Variants in ASIC2 observed in about 807,000 individuals in gnomAD.
ASIC2 encodes acid-sensing ion channel 2.
In ASIC2, 25 loss-of-function variants were observed where a neutral mutation model predicts 57.3. The ratio of observed to expected loss-of-function variants is 0.44; its 90% CI spans 0.32 to 0.61. The LOEUF (loss-of-function observed/expected upper bound fraction) is 0.61, where lower values mean the gene tolerates loss of function less well. Among genes scored for constraint, ASIC2 ranks in the 20% least tolerant of loss-of-function variants. The pLI, the probability that ASIC2 is intolerant of heterozygous loss-of-function variation, is 0.06. For synonymous variants in ASIC2, 319 were observed against 307.5 expected (o/e 1.04, Z -0.39); for missense variants, 641 against 738.1 (o/e 0.87, Z 1.52).
At chr17:33,426,696 G>A (rs1311010963) in intron 1 of ASIC2, among the ~76,000 whole-genome samples, 1 of 152,338 alleles carries the variant, frequency 6.6e-6, no homozygotes, top group Middle Eastern at 3.4e-3. Context: ...GATTCAAGAA[G>A]TTCCTTGTGA....
Position 33,050,477 on chromosome 17 carries a change from C to G in ASIC2, c.988-22085G>C, listed in dbSNP as rs568984420. ...TAGGGTCTGCCATATAGTCTGTGCTCAAAAATATTAGGTTGCCTATCCCAC... is the reference window on the plus strand; with the variant it reads ...TAGGGTCTGCCATATAGTCTGTGCTGAAAAATATTAGGTTGCCTATCCCAC... On this transcript the variant is annotated intron_variant, in intron 3 of 9. Transcript: ENST00000225823. 6.6e-5 allele frequency among the ~76,000 whole-genome samples: 10 copies of G among 152,240 alleles called. No individual in the cohort carries two copies. In the East Asian group the frequency reaches 1.9e-3, roughly 29 times the overall value.
At chr17:33,421,160 T>C (rs1003807441) in intron 1 of ASIC2, among the ~76,000 whole-genome samples, 2 of 152,012 alleles carry the variant, frequency 1.3e-5, no homozygotes, top group Non-Finnish European at 2.9e-5. Context: ...CCAGGAAGGT[T>C]CTGTGAGCTG....
intron 1 of ASIC2, among the ~76,000 whole-genome samples, chr17:33,814,907 G>A (rs188910617): frequency 6.6e-6 from 1 of 152,314 alleles, no homozygotes; most frequent in African/African-American, 2.4e-5. Context: ...GGCTCCCAAT[G>A]TCTAGTATAT....
chr17:33,190,476 G>A (rs979101568), intron 1 of ASIC2, among the ~76,000 whole-genome samples: 12 of 152,032 alleles, frequency 7.9e-5, no homozygotes, highest in Non-Finnish European at 1.5e-4. Context: ...TTGATTTATA[G>A]ATTAAATGAA....
intron 1 of ASIC2, among the ~76,000 whole-genome samples, chr17:33,413,073 T>C (rs1212698943): frequency 6.6e-6 from 1 of 152,058 alleles, no homozygotes; most frequent in Non-Finnish European, 1.5e-5. Flanking sequence ...ATGAGCAGGG[T>C]TCTCCAGAGA....
intron 1 of ASIC2, among the ~76,000 whole-genome samples, chr17:33,742,378 C>A (rs1049740242): frequency 1.3e-5 from 2 of 152,250 alleles, no homozygotes; most frequent in Middle Eastern, 3.4e-3. Flanking sequence ...TTCTACTTAT[C>A]CTTAAGTTGA....
chr17:33,945,555 G>C (rs2141981593), intron 1 of ASIC2, among the ~76,000 whole-genome samples: 1 of 152,136 alleles, frequency 6.6e-6, no homozygotes, highest in East Asian at 1.9e-4. Context: ...CTTAGACATG[G>C]CAAGCAGATT....
intron 1 of ASIC2, among the ~76,000 whole-genome samples, chr17:34,085,649 C>T (rs1279252027): frequency 6.6e-6 from 1 of 152,080 alleles, no homozygotes; most frequent in South Asian, 2.1e-4. Flanking sequence ...TAGAATTTGG[C>T]TGTGAATCCA....
intron 1 of ASIC2, among the ~76,000 whole-genome samples, chr17:33,566,783 T>G (rs945449393): frequency 3.3e-5 from 5 of 152,142 alleles, no homozygotes; most frequent in Non-Finnish European, 7.4e-5. Flanking sequence ...AGACACCCAT[T>G]CCCTGGCATG....
At chr17:33,381,571 CG>C (rs55755787) in intron 1 of ASIC2, among the ~76,000 whole-genome samples, 15,182 of 152,146 alleles carry the variant, frequency 0.1, 879 homozygotes, top group Non-Finnish European at 0.13. Flanking sequence ...GTATGTGCCC[CG>C]GGGGGGCACT....
intron 1 of ASIC2, among the ~76,000 whole-genome samples, chr17:34,067,760 A>C (rs1306206953): frequency 6.6e-6 from 1 of 152,216 alleles, no homozygotes; most frequent in East Asian, 1.9e-4. Context: ...ACGTGGAAAG[A>C]CATCCATGAT....
At chr17:33,487,324 A>G (rs1002558440) in intron 1 of ASIC2, among the ~76,000 whole-genome samples, 2 of 152,210 alleles carry the variant, frequency 1.3e-5, no homozygotes, top group Non-Finnish European at 2.9e-5. Context: ...AGCCAGAGCC[A>G]GGAGGGGCCC....
chr17:33,505,670 T>G (rs1310050669), intron 1 of ASIC2, among the ~76,000 whole-genome samples: 1 of 152,230 alleles, frequency 6.6e-6, no homozygotes, highest in Non-Finnish European at 1.5e-5. Context: ...GCTTAATCTA[T>G]TCCAAGTGAG....
chr17:33,392,108 C>A (rs1000594088), intron 1 of ASIC2, among the ~76,000 whole-genome samples: 1 of 152,172 alleles, frequency 6.6e-6, no homozygotes, highest in African/African-American at 2.4e-5. Context: ...ACACCTCTAA[C>A]ACCTCTATGT....
Position 34,156,420 on chromosome 17 carries a change from A to G in ASIC2, c.113T>C (p.Leu38Pro). ...TGCCCACAGCACACGCCGGATGGTC[A>G]GCGGCCCATACACGAAGATGTGGCG... is the stretch of plus-strand genomic sequence containing the variant. The change falls in exon 1 of 10, where the codon CTG becomes CCG. Residue 38 changes from leucine (L) to proline (P), a missense_variant. Coordinates refer to the ASIC2 transcript ENST00000359872. This position sits in a 1 kb window ranked among gnomAD's most constrained non-coding sequence, Gnocchi z 4.4. 6.2e-7 allele frequency: 1 copy of G among 1,614,196 alleles called. No homozygotes were observed. The highest frequency in any genetic ancestry group is 2.2e-5 in the East Asian group (1 of 44,842).
At chr17:34,052,144 CACTG>C (rs1164035130) in intron 1 of ASIC2, among the ~76,000 whole-genome samples, 1 of 152,176 alleles carries the variant, frequency 6.6e-6, no homozygotes, top group Non-Finnish European at 1.5e-5. Context: ...TGTTCCAAAG[CACTG>C]ACTGTGTGAA....
At chr17:33,203,044 G>A (rs181243773) in intron 1 of ASIC2, among the ~76,000 whole-genome samples, 2 of 152,334 alleles carry the variant, frequency 1.3e-5, no homozygotes, top group Admixed American at 6.5e-5. Flanking sequence ...GGCACGTGGT[G>A]TCTGCTCCAG....
chr17:33,524,214 A>G (rs1375275795), intron 1 of ASIC2, among the ~76,000 whole-genome samples: 2 of 152,220 alleles, frequency 1.3e-5, no homozygotes, highest in Non-Finnish European at 1.5e-5. Flanking sequence ...CCCTCCAGTC[A>G]GAATGTGCTG....
chr17:33,500,977 G>A (rs1337597876), intron 1 of ASIC2, among the ~76,000 whole-genome samples: 2 of 152,186 alleles, frequency 1.3e-5, no homozygotes, highest in Non-Finnish European at 2.9e-5. Flanking sequence ...TTTTAGTATC[G>A]ACATGGTGCC....
Sources: gnomAD v4.1 joint callset for allele counts (sites outside exome capture counted in the v4.1 genomes callset) on GRCh38, gnomAD v4.1.1 for gene constraint, Gnocchi (gnomAD v3.1) non-coding constraint, MANE v1.5 for transcripts, NCBI Gene and HGNC (gene_info 2026-07-23, HGNC 2026-07-21) for gene names.